CGN: variants seen among roughly 807,000 people sequenced by gnomAD.
CGN encodes the protein cingulin.
CGN carries 121 observed loss-of-function variants against 157.1 expected under a neutral mutation model. That is an observed-to-expected ratio of 0.77 (90% CI 0.66 to 0.90). CGN has a LOEUF of 0.90. Ranked by LOEUF, CGN falls within the 40% of genes least tolerant of loss-of-function variation. The pLI, the probability that CGN is intolerant of heterozygous loss-of-function variation, is 0.00. For missense variants in CGN, 1,424 were observed against 1,520.9 expected (o/e 0.94, Z 1.06); for synonymous variants, 535 against 607.5 (o/e 0.88, Z 1.76).
At chr1:151,521,177 T>TA (rs1440636164) in intron 5 of CGN, among the ~76,000 whole-genome samples, 1 of 149,112 alleles carries the variant, frequency 6.7e-6, no homozygotes, top group Non-Finnish European at 1.5e-5. Flanking sequence ...TTGCCTATGG[T>TA]AGTAAGTTGC....
chr1:151,521,207 C>T (rs748334369), intron 5 of CGN, among the ~76,000 whole-genome samples: 10 of 152,090 alleles, frequency 6.6e-5, no homozygotes, highest in South Asian at 4.1e-4. Flanking sequence ...TGAAAAAATC[C>T]GGGTCAGTCT....
chr1:151,518,084 C>A (rs763184512), intron 1 of CGN, among the ~76,000 whole-genome samples: 3 of 152,122 alleles, frequency 2.0e-5, no homozygotes, highest in Non-Finnish European at 4.4e-5. Flanking sequence ...TGAGCTCAAG[C>A]AGTCCACCCG....
Position 151,518,653 on chromosome 1 carries a change from A to G in CGN, c.134A>G (p.Asp45Gly), listed in dbSNP as rs140740467. Residue 45 changes from aspartate to glycine, a missense_variant, in exon 2 of 21, where the codon GAT becomes GGT. By Grantham distance (94) the Asp-to-Gly change is moderately conservative. Transcript: ENST00000271636. ...CGAGGTGGACGACGCCCAGCTAAGG[A>G]TGCAAGAGCCAGTACCTACGGGGTT... is the stretch of plus-strand genomic sequence containing the variant. ...LRRGGRRPAK[D>G]ARASTYGVAV... The G allele has an allele frequency of 6.2e-7, 1 of 1,614,022 alleles. No individual in the cohort carries two copies. The highest frequency in any genetic ancestry group is 1.3e-5 in the African/African-American group (1 of 74,912).
In CGN at chr1:151,519,079, G is replaced by A. The variant is rs1345019287; in HGVS notation, c.560G>A (p.Ser187Asn). Residue 187 changes from serine to asparagine, a missense_variant, in exon 2 of 21, where the codon AGT becomes AAT. Ser to Asn is a conservative substitution (Grantham distance 46). This residue lies in a region of CGN where 1,187 missense variants were observed against 1,217.6 expected (regional missense o/e 0.97). Transcript: ENST00000271636. Reference protein sequence around the residue: ...SVDSLINKFDSQLGGQARGRT... With the variant: ...SVDSLINKFDNQLGGQARGRT... ...GACTCACTCATCAACAAGTTTGACA[G>A]TCAACTTGGAGGCCAGGCCCGGGGT... 6 of 1,614,022 alleles carry A rather than the reference G, an allele frequency of 3.7e-6. No homozygotes were observed. In the African/African-American group the frequency reaches 6.7e-5, roughly 18 times the overall value.
chr1:151,524,425 A>G lies in CGN; in HGVS notation c.1401+67A>G, dbSNP rs1200763400. 4 of 1,595,370 alleles carry G rather than the reference A, an allele frequency of 2.5e-6. No homozygotes were observed. The highest frequency in any genetic ancestry group is 1.1e-5 in the South Asian group (1 of 89,302). ...AGTTGGAGCATCCTCAAGTCTGCTC[A>G]TCCATGGTTTCCCCAAAGTATGAGG... On this transcript the variant is annotated intron_variant, in intron 7 of 20. Transcript: ENST00000271636. This position sits in a 1 kb window ranked among gnomAD's most constrained non-coding sequence, Gnocchi z 4.4.
intron 9 of CGN, among the ~76,000 whole-genome samples, 159 bp from the exon 10 acceptor site, chr1:151,526,816 T>C (rs1381993488): frequency 6.6e-6 from 1 of 152,186 alleles, no homozygotes; most frequent in Non-Finnish European, 1.5e-5. Context: ...CTCCCATTTC[T>C]CAAACTGCTC....
At chr1:151,532,849 G>C (rs944103329) in intron 14 of CGN, among the ~76,000 whole-genome samples, 1 of 151,972 alleles carries the variant, frequency 6.6e-6, no homozygotes, top group Admixed American at 6.6e-5. Context: ...TCAATCTCCT[G>C]ACCTCGTGAT....
Position 151,524,201 on chromosome 1 carries a change from G to A in CGN, c.1269-25G>A. ...TTTAGAGAACTGCCTGACACATAGT[G>A]TGCAATAATGTTATCTATTATTAGG... On this transcript the variant is annotated intron_variant, in intron 6 of 20. Transcript: ENST00000271636. This position sits in a 1 kb window ranked among gnomAD's most constrained non-coding sequence, Gnocchi z 4.4. 1 of 1,589,908 alleles carries A rather than the reference G, an allele frequency of 6.3e-7. No individual in the cohort carries two copies. Among genetic ancestry groups the A allele is most frequent in the Non-Finnish European group, 8.6e-7 (1 of 1,161,706 alleles).
At chr1:151,528,876 A>G (rs1168201120) in intron 10 of CGN, among the ~76,000 whole-genome samples, 2 of 152,176 alleles carry the variant, frequency 1.3e-5, no homozygotes, top group African/African-American at 2.4e-5. Flanking sequence ...TATTCTGGAT[A>G]TTTAATATAA....
intron 13 of CGN, among the ~76,000 whole-genome samples, chr1:151,531,620 G>T (rs769862804): frequency 1.3e-5 from 2 of 151,928 alleles, no homozygotes; most frequent in African/African-American, 4.8e-5. Context: ...GCCCCACTGC[G>T]CTACAGCAAG....
intron 2 of CGN, 148 bp downstream of exon 2, chr1:151,519,540 A>G (rs918251857): frequency 2.9e-6 from 2 of 689,278 alleles, no homozygotes; most frequent in Non-Finnish European, 4.8e-6. Flanking sequence ...TCTGTCCACA[A>G]AATAGGTGAT....
chr1:151,532,457 T>TG lies in CGN; in HGVS notation c.2629dup (p.Glu877GlyfsTer4). ...GCCCTGCAGCAGCTCCAGGCCCAGC[T>TG]GGAGGATTATAAGGAAAAGGCCCGG... On this transcript the variant is annotated frameshift_variant, in exon 14 of 21. Coordinates refer to ENST00000271636, the MANE Select transcript of CGN (RefSeq NM_020770.3). LOFTEE classifies it high-confidence loss of function. 1 of 1,606,560 alleles carries TG rather than the reference T, an allele frequency of 6.2e-7. No individual in the cohort carries two copies. The highest frequency in any genetic ancestry group is 8.5e-7 in the Non-Finnish European group (1 of 1,177,764).
intron 1 of CGN, among the ~76,000 whole-genome samples, chr1:151,514,183 A>G (rs1664359471): frequency 6.6e-6 from 1 of 151,234 alleles, no homozygotes; most frequent in African/African-American, 2.4e-5. Context: ...CTTGGACTGA[A>G]GGTGATTGAG....
In CGN at chr1:151,520,269, G is replaced by A. The variant is rs1485025640; in HGVS notation, c.974+3G>A. 1 of 1,611,450 alleles carries A rather than the reference G, an allele frequency of 6.2e-7. No homozygotes were observed. The highest frequency in any genetic ancestry group is 2.2e-5 in the East Asian group (1 of 44,876). ...ATCTATGGCATCCTGAGGGAGGGGT[G>A]AGTGGGGGCCCCCCCAACAACAGAG... On this transcript the variant is annotated splice_donor_region_variant and intron_variant, in intron 3 of 20. Transcript: ENST00000271636.
chr1:151,534,833 G>A (rs1169417250), intron 15 of CGN: 1 of 537,142 alleles, frequency 1.9e-6, no homozygotes, highest in Non-Finnish European at 3.3e-6. Flanking sequence ...CGTCACCAGA[G>A]CATGGCCCCG....
upstream of CGN, chr1:151,511,351 C>T (rs1314201524): frequency 6.5e-6 from 1 of 153,574 alleles, no homozygotes; most frequent in Non-Finnish European, 1.5e-5. This position sits in a 1 kb window ranked among gnomAD's most constrained non-coding sequence, Gnocchi z 4.8. Flanking sequence ...TGGAGCTCCG[C>T]AGCGGAGTAA....
chr1:151,520,672 A>C lies in CGN; in HGVS notation c.1121A>C (p.Lys374Thr). Residue 374 changes from lysine to threonine, a missense_variant, in exon 5 of 21, where the codon AAG becomes ACG. By Grantham distance (78) the Lys-to-Thr change is moderately conservative. Coordinates refer to ENST00000271636, the MANE Select transcript of CGN (RefSeq NM_020770.3). ...CGAAAAGTGGAGGAGCTACAGCGAA[A>C]GCTGGATGAAGAGGTGAAGGTAAGG... ...LTRKVEELQR[K>T]LDEEVKKRQK... is the part of the protein sequence containing the mutation. The C allele has an allele frequency of 6.2e-7, 1 of 1,613,886 alleles. No individual in the cohort carries two copies. The highest frequency in any genetic ancestry group is 1.1e-5 in the South Asian group (1 of 90,996).
At chr1:151,525,101 A>G (rs1664642395) in intron 8 of CGN, among the ~76,000 whole-genome samples, 1 of 152,208 alleles carries the variant, frequency 6.6e-6, no homozygotes, top group African/African-American at 2.4e-5. Flanking sequence ...TTGTGTGACA[A>G]AAGTCCCAAG....
intron 19 of CGN, 114 bp from the exon 20 acceptor site, chr1:151,536,616 C>A: frequency 9.2e-7 from 1 of 1,081,962 alleles, no homozygotes; most frequent in African/African-American, 1.6e-5. Context: ...AGGAACTTGC[C>A]CAAGGCCACA....
Sources: gnomAD v4.1 joint callset for allele counts (sites outside exome capture counted in the v4.1 genomes callset) on GRCh38, gnomAD v4.1.1 for gene constraint, gnomAD v4.1.1 regional missense constraint, Gnocchi (gnomAD v3.1) non-coding constraint, MANE v1.5 for transcripts, NCBI Gene and HGNC (gene_info 2026-07-23, HGNC 2026-07-21) for gene names.